The following NAV2 variants were observed in gnomAD, a reference collection of about 807,000 sequenced individuals.
NAV2 encodes helicase, APC down-regulated 1.
Under a neutral mutation model 223.2 loss-of-function variants are expected in NAV2, and 54 were observed. That is an observed-to-expected ratio of 0.24 (90% CI 0.19 to 0.30). The LOEUF (loss-of-function observed/expected upper bound fraction) is 0.30, where lower values mean the gene tolerates loss of function less well. Ranked by LOEUF, NAV2 falls within the 10% of genes least tolerant of loss-of-function variation. NAV2 has a pLI of 1.00. For missense variants in NAV2, 2,806 were observed against 3,147.5 expected (o/e 0.89, Z 2.60); for synonymous variants, 1,279 against 1,239.3 (o/e 1.03, Z -0.67).
intron 1 of NAV2, among the ~76,000 whole-genome samples, chr11:19,622,951 A>G (rs552007337): frequency 5.3e-5 from 8 of 152,090 alleles, no homozygotes; most frequent in African/African-American, 1.4e-4. Context: ...CTCTTGTAAG[A>G]CAGGCCTGGT....
chr11:19,412,570 C>G (rs1426160038), intron 1 of NAV2, among the ~76,000 whole-genome samples: 1 of 152,212 alleles, frequency 6.6e-6, no homozygotes, highest in Non-Finnish European at 1.5e-5. Flanking sequence ...CAATCGAGCT[C>G]TGCTAAGAGA....
At chr11:20,096,882 G>A (rs1399373982) in intron 30 of NAV2, among the ~76,000 whole-genome samples, 2 of 152,186 alleles carry the variant, frequency 1.3e-5, no homozygotes, top group African/African-American at 2.4e-5. Flanking sequence ...GGACAGTTGG[G>A]ACATCCTTGG....
At chr11:19,525,617 A>G (rs370595589) in intron 1 of NAV2, among the ~76,000 whole-genome samples, 102 of 152,298 alleles carry the variant, frequency 6.7e-4, no homozygotes, top group South Asian at 6.0e-3. Context: ...GAACCTGCCC[A>G]TCTTTGCAAA....
chr11:19,961,099 T>G (rs1007420768), intron 10 of NAV2, among the ~76,000 whole-genome samples: 1 of 152,102 alleles, frequency 6.6e-6, no homozygotes, highest in Non-Finnish European at 1.5e-5. Flanking sequence ...TTTCTTTTCT[T>G]TTTTTAATTT....
At position 19,939,676 on chromosome 11, in the gene NAV2, T is replaced by G; in HGVS notation, c.2049T>G (p.Thr683=). The G allele has an allele frequency of 6.2e-7, 1 of 1,614,080 alleles. No homozygotes were observed. The highest frequency in any genetic ancestry group is 8.5e-7 in the Non-Finnish European group (1 of 1,179,986). The change falls in exon 8 of 38, where the codon ACT becomes ACG. Residue 683 remains threonine, a synonymous_variant. Transcript: ENST00000349880. ...GTGTGTGAAGGTCTCAGACGGACAC[T>G]GAAGGGAATGTTACTGCCGAGTCAA... is the stretch of plus-strand genomic sequence containing the variant. ...APFLYRSQTD[T]EGNVTAESSS...
At chr11:19,878,880 C>T in intron 4 of NAV2, among the ~76,000 whole-genome samples, 1 of 152,206 alleles carries the variant, frequency 6.6e-6, no homozygotes, top group East Asian at 1.9e-4. Flanking sequence ...GCATTACCTA[C>T]CCCTCTAACA....
intron 1 of NAV2, among the ~76,000 whole-genome samples, chr11:19,400,246 G>T (rs1849627432): frequency 6.6e-6 from 1 of 152,172 alleles, no homozygotes; most frequent in African/African-American, 2.4e-5. Context: ...GAGACATAAG[G>T]AGTCACAAGG....
chr11:20,008,980 A>G (rs936547297), intron 11 of NAV2, among the ~76,000 whole-genome samples: 3 of 152,106 alleles, frequency 2.0e-5, no homozygotes, highest in African/African-American at 7.2e-5. Flanking sequence ...TTTCCTTCTT[A>G]TTAGTCCCAT....
chr11:19,487,292 G>A (rs2042474641), intron 1 of NAV2, among the ~76,000 whole-genome samples: 1 of 152,190 alleles, frequency 6.6e-6, no homozygotes, highest in Admixed American at 6.5e-5. Flanking sequence ...TGTTAAAAAT[G>A]TTCCTCATAA....
chr11:19,990,915 G>C (rs1057158553), intron 11 of NAV2, among the ~76,000 whole-genome samples: 4 of 150,360 alleles, frequency 2.7e-5, no homozygotes, highest in African/African-American at 4.8e-5. Context: ...TATTGCCAAG[G>C]AAGCTATAAA....
intron 10 of NAV2, among the ~76,000 whole-genome samples, chr11:19,981,798 C>T (rs1327375726): frequency 6.6e-6 from 1 of 152,174 alleles, no homozygotes; most frequent in Non-Finnish European, 1.5e-5. Context: ...CCCTGAGTCA[C>T]TCTATCTGTT....
At chr11:19,805,111 T>C (rs1171861006) in intron 1 of NAV2, among the ~76,000 whole-genome samples, 2 of 152,170 alleles carry the variant, frequency 1.3e-5, no homozygotes, top group African/African-American at 4.8e-5. Flanking sequence ...AAAGGAAGAC[T>C]TTCTGGCCCT....
chr11:19,663,892 G>C (rs1021386493), intron 1 of NAV2, among the ~76,000 whole-genome samples: 1 of 152,170 alleles, frequency 6.6e-6, no homozygotes, highest in Non-Finnish European at 1.5e-5. Flanking sequence ...ATGGGGCAGG[G>C]ATGACAACCG....
At chr11:19,929,448 A>G (rs1439261175) in intron 6 of NAV2, among the ~76,000 whole-genome samples, 3 of 152,064 alleles carry the variant, frequency 2.0e-5, no homozygotes, top group Non-Finnish European at 2.9e-5. Context: ...TAGAATGTTG[A>G]TGACCTGGTC....
At position 19,884,869 on chromosome 11, in the gene NAV2, G is replaced by C. The variant is rs1033015491; in HGVS notation, c.770+4742G>C. ...AAAGACTTGAGCATGAATCCATATT[G>C]GGCAGAGGAGACAAAACAGCAAGGC... is the stretch of plus-strand genomic sequence containing the variant. On this transcript the variant is annotated intron_variant, in intron 5 of 37. Coordinates refer to ENST00000349880, the MANE Select transcript of NAV2 (RefSeq NM_145117.5). Among the ~76,000 whole-genome samples the C allele has an allele frequency of 2.0e-5, 3 of 152,178 alleles. No homozygotes were observed. In the East Asian group the frequency reaches 5.8e-4, roughly 29 times the overall value.
At chr11:19,669,940 C>A (rs1402650608) in intron 1 of NAV2, among the ~76,000 whole-genome samples, 2 of 152,204 alleles carry the variant, frequency 1.3e-5, no homozygotes, top group Admixed American at 6.5e-5. Flanking sequence ...TGAATATAAT[C>A]ATATGCCCTG....
chr11:20,022,810 G>GT, intron 11 of NAV2: 1 of 1,250,088 alleles, frequency 8.0e-7, no homozygotes. Flanking sequence ...TGGTTTCAGA[G>GT]TTTGGTGTTA....
intron 1 of NAV2, among the ~76,000 whole-genome samples, chr11:19,666,037 A>C (rs935291311): frequency 1.4e-4 from 22 of 152,110 alleles, no homozygotes; most frequent in African/African-American, 5.3e-4. Context: ...GTCTCATATC[A>C]CCCACATGCC....
chr11:20,024,602 A>C (rs956659929), intron 11 of NAV2, among the ~76,000 whole-genome samples: 3 of 152,236 alleles, frequency 2.0e-5, no homozygotes, highest in Non-Finnish European at 2.9e-5. Flanking sequence ...TGGGCTGTAG[A>C]AATCTTGACC....
Sources: gnomAD v4.1 joint callset for allele counts (sites outside exome capture counted in the v4.1 genomes callset) on GRCh38, gnomAD v4.1.1 for gene constraint, MANE v1.5 for transcripts, NCBI Gene and HGNC (gene_info 2026-07-23, HGNC 2026-07-21) for gene names.